Variants in CSMD1 observed in about 807,000 individuals in gnomAD.
CSMD1 encodes the protein CUB and sushi domain-containing protein 1.
A neutral mutation model predicts 417.5 loss-of-function variants in CSMD1; 213 were observed. The ratio of observed to expected loss-of-function variants is 0.51; its 90% CI spans 0.46 to 0.57. CSMD1 has a LOEUF of 0.57. Among genes scored for constraint, CSMD1 ranks in the 20% least tolerant of loss-of-function variants. The pLI is 0.00. For synonymous variants in CSMD1, 2,862 were observed against 1,736.8 expected, an observed-to-expected ratio of 1.65 and a Z score of -16.11; for missense variants, 6,923 against 4,529.7, an observed-to-expected ratio of 1.53 and a Z score of -15.17.
chr8:4,077,806 G>A (rs542823725), intron 3 of CSMD1, among the ~76,000 whole-genome samples: 1 of 152,102 alleles, frequency 6.6e-6, no homozygotes. Flanking sequence ...TTCTCACTCT[G>A]TTCCATGGGA....
intron 3 of CSMD1, among the ~76,000 whole-genome samples, chr8:4,197,912 A>G (rs1287815820): frequency 6.6e-6 from 1 of 152,180 alleles, no homozygotes; most frequent in African/African-American, 2.4e-5. Context: ...CATCCATTTC[A>G]TCTATTCATT....
At chr8:3,951,400 ATT>A (rs1811591939) in intron 5 of CSMD1, among the ~76,000 whole-genome samples, 1 of 152,206 alleles carries the variant, frequency 6.6e-6, no homozygotes, top group Non-Finnish European at 1.5e-5. Flanking sequence ...TGCAAAAGGC[ATT>A]TGGGGCAGAA....
intron 7 of CSMD1, among the ~76,000 whole-genome samples, chr8:3,663,709 T>C (rs1335823210): frequency 6.6e-6 from 1 of 152,178 alleles, no homozygotes; most frequent in Non-Finnish European, 1.5e-5. Flanking sequence ...CTTCCAGCCG[T>C]TCTGCCCGCC....
At chr8:3,338,958 T>G (rs1213084551) in intron 23 of CSMD1, among the ~76,000 whole-genome samples, 1 of 151,160 alleles carries the variant, frequency 6.6e-6, no homozygotes, top group East Asian at 2.0e-4. Context: ...TAGCATTACG[T>G]ATATCTCCCG....
chr8:3,751,635 A>G (rs991965997), intron 6 of CSMD1, among the ~76,000 whole-genome samples: 1 of 151,612 alleles, frequency 6.6e-6, no homozygotes, highest in Non-Finnish European at 1.5e-5. Context: ...CATTAATTAC[A>G]TATTTTTTTT....
chr8:4,718,326 T>A (rs770676202), intron 1 of CSMD1, among the ~76,000 whole-genome samples: 3 of 152,188 alleles, frequency 2.0e-5, no homozygotes, highest in Non-Finnish European at 2.9e-5. Context: ...TTTCTTATAT[T>A]AACAATCAAT....
In CSMD1 at chr8:3,997,911, T is replaced by G; in HGVS notation, c.810A>C (p.Pro270=). The G allele has an allele frequency of 6.2e-7, 1 of 1,611,892 alleles. No homozygotes were observed. The highest frequency in any genetic ancestry group is 8.5e-7 in the Non-Finnish European group (1 of 1,178,942). ...DFLEISGTEA[P]SIWLTGMNLP... ...CTCTTCCCGGGACTTACCATATGGA[T>G]GGAGCTTCCGTGCCACTGATCTCTA... The change falls in exon 5 of 70, where the codon CCA becomes CCC. Residue 270 remains proline (P), a synonymous_variant. Coordinates refer to ENST00000635120, the MANE Select transcript of CSMD1 (RefSeq NM_033225.6).
rs537224666 is a variant in CSMD1 at position 4,058,060 on chromosome 8, A to G, written c.416-25961T>C. On this transcript the variant is annotated intron_variant, in intron 3 of 69. Transcript: ENST00000635120. ...ATGAATTTTAAAGTAGTTTTTTCCA[A>G]TTCTGTGAAGGAACTCATTGGTAGC... Among the ~76,000 whole-genome samples, 12 of 152,128 alleles carry G rather than the reference A, an allele frequency of 7.9e-5. No individual in the cohort carries two copies. In the South Asian group the frequency reaches 2.1e-3, roughly 26 times the overall value.
At chr8:4,618,854 G>A (rs1328888078) in intron 2 of CSMD1, among the ~76,000 whole-genome samples, 2 of 152,068 alleles carry the variant, frequency 1.3e-5, no homozygotes, top group East Asian at 3.9e-4. Context: ...TTAATGTGTG[G>A]TATATGAAAT....
intron 2 of CSMD1, among the ~76,000 whole-genome samples, chr8:4,444,822 C>T (rs919034687): frequency 2.6e-5 from 4 of 152,164 alleles, no homozygotes; most frequent in Non-Finnish European, 4.4e-5. Flanking sequence ...TGACCTCAGC[C>T]ACAAGCCTTC....
chr8:3,695,001 G>T (rs1443148795), intron 7 of CSMD1, among the ~76,000 whole-genome samples: 1 of 151,656 alleles, frequency 6.6e-6, no homozygotes, highest in Admixed American at 6.6e-5. Flanking sequence ...AAGATGATTA[G>T]GACATTAGAC....
intron 3 of CSMD1, among the ~76,000 whole-genome samples, chr8:4,227,032 G>C (rs913456700): frequency 6.6e-6 from 1 of 152,086 alleles, no homozygotes; most frequent in Non-Finnish European, 1.5e-5. Context: ...GGTGAGATGG[G>C]TCTGTATCAA....
intron 12 of CSMD1, among the ~76,000 whole-genome samples, chr8:3,466,971 T>C (rs1304378901): frequency 3.9e-5 from 6 of 152,162 alleles, no homozygotes; most frequent in African/African-American, 1.4e-4. Context: ...CTTTGGACTA[T>C]TCTTTTGTCA....
chr8:4,450,769 A>C (rs1257866536), intron 2 of CSMD1, among the ~76,000 whole-genome samples: 1 of 152,224 alleles, frequency 6.6e-6, no homozygotes, highest in Non-Finnish European at 1.5e-5. Context: ...CACAAATTGA[A>C]AGCAAGTATT....
At chr8:4,537,707 G>A (rs554019133) in intron 2 of CSMD1, among the ~76,000 whole-genome samples, 2 of 152,204 alleles carry the variant, frequency 1.3e-5, no homozygotes, top group African/African-American at 4.8e-5. Flanking sequence ...TCAGACAAAA[G>A]CATGGCTTCC....
intron 17 of CSMD1, among the ~76,000 whole-genome samples, chr8:3,391,555 C>T (rs760265317): frequency 5.3e-5 from 8 of 152,148 alleles, no homozygotes; most frequent in Non-Finnish European, 8.8e-5. Context: ...GCTAGACTGT[C>T]GCTGGACACT....
intron 4 of CSMD1, among the ~76,000 whole-genome samples, chr8:4,007,622 G>C (rs904162379): frequency 6.6e-5 from 10 of 151,968 alleles, no homozygotes; most frequent in African/African-American, 2.4e-4. Flanking sequence ...GCCTGTTCTT[G>C]CACTTGCGTG....
chr8:4,837,080 G>C (rs1296929275), intron 1 of CSMD1, among the ~76,000 whole-genome samples: 4 of 151,758 alleles, frequency 2.6e-5, no homozygotes, highest in African/African-American at 7.3e-5. Context: ...ACAGAAAGAA[G>C]TGGTAATTAA....
rs945892430 is a variant in CSMD1, at chr8:3,272,147, A to C, written c.4153+11997T>G. Among the ~76,000 whole-genome samples the C allele has an allele frequency of 1.7e-4, 25 of 146,972 alleles. No individual in the cohort carries two copies. In the Admixed American group the frequency reaches 1.7e-3, roughly 10 times the overall value. On this transcript the variant is annotated intron_variant, in intron 26 of 69. Coordinates refer to ENST00000635120, the MANE Select transcript of CSMD1 (RefSeq NM_033225.6). The stretch of plus-strand genomic sequence containing the variant: ...GGGATCCAGTTTCAGCTTTCTGCAT[A>C]TGGTTAGCCAGTTTTCCCAGCACCA...
Sources: gnomAD v4.1 joint callset for allele counts (sites outside exome capture counted in the v4.1 genomes callset) on GRCh38, gnomAD v4.1.1 for gene constraint, MANE v1.5 for transcripts, NCBI Gene and HGNC (gene_info 2026-07-23, HGNC 2026-07-21) for gene names.